The following XIRP2 variants were observed in gnomAD, a reference collection of about 807,000 sequenced individuals.
The protein encoded by XIRP2 is xin actin binding repeat containing 2.
XIRP2 carries 236 observed loss-of-function variants against 277.0 expected under a neutral mutation model. The observed-to-expected ratio is 0.85, with a 90% CI of 0.77 to 0.95. The LOEUF (loss-of-function observed/expected upper bound fraction) is 0.95, where lower values mean the gene tolerates loss of function less well. Among genes scored for constraint, XIRP2 ranks in the 40% least tolerant of loss-of-function variants. XIRP2 has a pLI of 0.00. For synonymous variants in XIRP2, 1,490 were observed against 1,416.5 expected (o/e 1.05, Z -1.17); for missense variants, 4,640 against 4,157.5 (o/e 1.12, Z -3.19).
intron 2 of XIRP2, among the ~76,000 whole-genome samples, chr2:166,971,709 A>G (rs954128048): frequency 6.6e-6 from 1 of 152,154 alleles, no homozygotes; most frequent in African/African-American, 2.4e-5. Context: ...TGACAGGAGT[A>G]TGTCAGAATA....
intron 2 of XIRP2, among the ~76,000 whole-genome samples, chr2:167,108,683 C>T (rs1690669388): frequency 6.6e-6 from 1 of 151,960 alleles, no homozygotes; most frequent in Admixed American, 6.6e-5. Context: ...AATAGATGTT[C>T]TGCTTAGCCA....
Position 167,248,825 on chromosome 2 carries a change from A to G in XIRP2, c.7433A>G (p.Lys2478Arg). The change falls in exon 9 of 11, where the codon AAG becomes AGG. Residue 2478 changes from lysine to arginine, a missense_variant. Coordinates refer to ENST00000409195, the MANE Select transcript of XIRP2 (RefSeq NM_152381.6). The stretch of plus-strand genomic sequence containing the variant: ...ACCAGCAGTGAACACACGGAGACAA[A>G]GCAGAACGTTATTAGTAAGAGTCTT... Reference protein sequence around the residue: ...VMTSSEHTETKQNVISKSLDE... With the variant: ...VMTSSEHTETRQNVISKSLDE... The G allele has an allele frequency of 6.2e-6, 10 of 1,613,698 alleles. No individual in the cohort carries two copies. The highest frequency in any genetic ancestry group is 5.9e-6 in the Non-Finnish European group (7 of 1,179,806).
intron 2 of XIRP2, among the ~76,000 whole-genome samples, chr2:167,123,503 T>G (rs982328267): frequency 5.9e-5 from 9 of 151,344 alleles, no homozygotes; most frequent in Non-Finnish European, 1.2e-4. Context: ...AAAAAACTTT[T>G]TTTTGTTTTG....
At chr2:167,175,400 G>T (rs1692810849) in intron 3 of XIRP2, among the ~76,000 whole-genome samples, 1 of 152,148 alleles carries the variant, frequency 6.6e-6, no homozygotes, top group Non-Finnish European at 1.5e-5. Flanking sequence ...CCCCTCTGCT[G>T]CAGGTGTGCT....
intron 3 of XIRP2, among the ~76,000 whole-genome samples, chr2:167,144,995 T>A (rs1043575982): frequency 1.3e-5 from 2 of 152,222 alleles, no homozygotes; most frequent in Non-Finnish European, 2.9e-5. Flanking sequence ...GATGGTTTGC[T>A]GTGGATATTT....
intron 2 of XIRP2, among the ~76,000 whole-genome samples, chr2:166,976,569 A>G (rs1198610884): frequency 6.6e-6 from 1 of 152,186 alleles, no homozygotes; most frequent in Non-Finnish European, 1.5e-5. Flanking sequence ...TTCCCTACTT[A>G]ATACCTGACA....
intron 2 of XIRP2, among the ~76,000 whole-genome samples, chr2:166,953,918 A>G (rs1051684826): frequency 6.6e-6 from 1 of 151,966 alleles, no homozygotes; most frequent in African/African-American, 2.4e-5. Context: ...GATTTTAATC[A>G]TGCTATGTAT....
chr2:167,037,348 A>G (rs1688535900), intron 2 of XIRP2, among the ~76,000 whole-genome samples: 1 of 152,172 alleles, frequency 6.6e-6, no homozygotes, highest in African/African-American at 2.4e-5. Flanking sequence ...AGTTCACAGA[A>G]CAAATATTCA....
At chr2:167,076,638 G>T (rs1384412152) in intron 2 of XIRP2, among the ~76,000 whole-genome samples, 2 of 152,120 alleles carry the variant, frequency 1.3e-5, no homozygotes, top group Non-Finnish European at 2.9e-5. Context: ...GCAGTCATTT[G>T]TTAGACTTCA....
chr2:167,257,952 G>A lies in XIRP2; in HGVS notation c.*135G>A. ...AAAGGAAATTATGATGAAGGTTTTG[G>A]ACATAAGCAGCATAAAGATAGATGG... On this transcript the variant is annotated 3_prime_UTR_variant, in exon 11 of 11. Transcript: ENST00000409195. 1.2e-6 allele frequency: 2 copies of A among 1,612,916 alleles called. No individual in the cohort carries two copies. Among genetic ancestry groups the A allele is most frequent in the East Asian group, 2.2e-5 (1 of 44,804 alleles).
chr2:167,228,276 T>C (rs1344048222), intron 5 of XIRP2, among the ~76,000 whole-genome samples: 1 of 152,130 alleles, frequency 6.6e-6, no homozygotes, highest in Admixed American at 6.6e-5. Flanking sequence ...AAAGTTTCAG[T>C]CACAGTCCCT....
At chr2:166,987,992 C>G (rs1687053229) in intron 2 of XIRP2, among the ~76,000 whole-genome samples, 1 of 152,040 alleles carries the variant, frequency 6.6e-6, no homozygotes. Context: ...ATAAAATAAC[C>G]ACGAAGCAAA....
chr2:167,064,863 A>G (rs1689263814), intron 2 of XIRP2, among the ~76,000 whole-genome samples: 1 of 151,918 alleles, frequency 6.6e-6, no homozygotes, highest in Non-Finnish European at 1.5e-5. Flanking sequence ...ATAATCTTCC[A>G]CTATAGGTAT....
chr2:167,155,735 A>G (rs1414805456), intron 3 of XIRP2, among the ~76,000 whole-genome samples: 1 of 151,898 alleles, frequency 6.6e-6, no homozygotes, highest in East Asian at 1.9e-4. Flanking sequence ...TAGTGTTGGA[A>G]GGTCTGGCCA....
chr2:166,911,165 C>T (rs1292414800), intron 2 of XIRP2, among the ~76,000 whole-genome samples: 1 of 152,134 alleles, frequency 6.6e-6, no homozygotes, highest in Non-Finnish European at 1.5e-5. Context: ...TCCTGGATAT[C>T]TTTGTTAACT....
chr2:167,162,354 G>A (rs565332616), intron 3 of XIRP2, among the ~76,000 whole-genome samples: 1 of 152,296 alleles, frequency 6.6e-6, no homozygotes, highest in South Asian at 2.1e-4. Flanking sequence ...TCCTGAGACT[G>A]GGCAATTTAC....
intron 3 of XIRP2, chr2:167,184,435 A>G: frequency 1.6e-6 from 1 of 629,684 alleles, no homozygotes; most frequent in East Asian, 2.7e-5. Context: ...GGAATTTAGG[A>G]AACATCTTAG....
At chr2:166,893,861 A>G (rs1684174303) in intron 1 of XIRP2, among the ~76,000 whole-genome samples, 1 of 152,168 alleles carries the variant, frequency 6.6e-6, no homozygotes, top group Non-Finnish European at 1.5e-5. Context: ...GAAATGTACC[A>G]AAACATGTCC....
chr2:167,078,556 G>A (rs1389735249), intron 2 of XIRP2, among the ~76,000 whole-genome samples: 2 of 152,106 alleles, frequency 1.3e-5, no homozygotes, highest in African/African-American at 4.8e-5. Flanking sequence ...GCAAAAACTG[G>A]CCGGGAGTGG....
Sources: gnomAD v4.1 joint callset for allele counts (sites outside exome capture counted in the v4.1 genomes callset) on GRCh38, gnomAD v4.1.1 for gene constraint, MANE v1.5 for transcripts, NCBI Gene and HGNC (gene_info 2026-07-23, HGNC 2026-07-21) for gene names.